Variants in HOXA3 observed in about 807,000 individuals in gnomAD.
HOXA3 encodes homeobox A3.
Under a neutral mutation model 30.3 loss-of-function variants are expected in HOXA3, and 8 were observed. That is an observed-to-expected ratio of 0.26 (90% CI 0.15 to 0.48). HOXA3 has a LOEUF of 0.48. Ranked by LOEUF, HOXA3 falls within the 20% of genes least tolerant of loss-of-function variation. The pLI, the probability that HOXA3 is intolerant of heterozygous loss-of-function variation, is 0.99. For synonymous variants in HOXA3, 323 were observed against 273.1 expected (o/e 1.18, Z -1.80); for missense variants, 653 against 614.4 (o/e 1.06, Z -0.66).
intron 4 of HOXA3, among the ~76,000 whole-genome samples, chr7:27,118,083 C>T (rs1349111375): frequency 4.6e-5 from 7 of 152,244 alleles, no homozygotes; most frequent in African/African-American, 1.7e-4. Flanking sequence ...CCAGGGTCTC[C>T]TCGCCTGACC....
chr7:27,108,154 C>A lies in HOXA3; in HGVS notation c.1093G>T (p.Val365Phe), dbSNP rs775867530. 8 of 1,580,110 alleles carry A rather than the reference C, an allele frequency of 5.1e-6. No homozygotes were observed. Among genetic ancestry groups the A allele is most frequent in the Non-Finnish European group, 6.9e-6 (8 of 1,159,576 alleles). Reference sequence around the variant, plus strand: ...TCCACATAGCTGCCCCCCACGAAGACGGGGCTTCCCTGTATGTGTGGGGTC... The same window carrying A: ...TCCACATAGCTGCCCCCCACGAAGAAGGGGCTTCCCTGTATGTGTGGGGTC... ...YGTPHIQGSP[V>F]FVGGSYVEPM... Residue 365 changes from valine to phenylalanine, a missense_variant, in exon 6 of 6, where the codon GTC becomes TTC. Physicochemically the swap from Val to Phe is conservative, Grantham distance 50. Coordinates refer to ENST00000612286, the MANE Select transcript of HOXA3 (RefSeq NM_153631.3). The surrounding 1 kb of genome is among the most constrained non-coding windows in gnomAD (Gnocchi z 5.0).
intron 1 of HOXA3, chr7:27,147,378 A>C: frequency 2.5e-6 from 4 of 1,614,096 alleles, no homozygotes; most frequent in Non-Finnish European, 3.4e-6. Flanking sequence ...CGCCTTCGTC[A>C]TGGAGTGCTT....
chr7:27,149,249 A>G (rs1444329231), intron 1 of HOXA3, among the ~76,000 whole-genome samples: 1 of 152,208 alleles, frequency 6.6e-6, no homozygotes, highest in Non-Finnish European at 1.5e-5. Context: ...TGGGCTTGTA[A>G]AACCCCTTGA....
chr7:27,110,539 C>T lies in HOXA3; in HGVS notation c.102G>A (p.Pro34=), dbSNP rs1408183066. ...FAYNANQQPY[P]ASAALGADGE... Reference sequence around the variant, plus strand: ...CGTCGGCGCCCAAAGCGGCGGACGCCGGGTACGGCTGCTGATTGGCATTAT... The same window carrying T: ...CGTCGGCGCCCAAAGCGGCGGACGCTGGGTACGGCTGCTGATTGGCATTAT... Residue 34 remains proline, a synonymous_variant, in exon 5 of 6, where the codon CCG becomes CCA. Coordinates refer to ENST00000612286, the MANE Select transcript of HOXA3 (RefSeq NM_153631.3). The T allele has an allele frequency of 1.9e-6, 3 of 1,606,966 alleles. No homozygotes were observed. Among genetic ancestry groups the T allele is most frequent in the East Asian group, 4.5e-5 (2 of 44,608 alleles).
At chr7:27,118,474 CAG>C (rs1457454178) in intron 4 of HOXA3, among the ~76,000 whole-genome samples, 1 of 152,152 alleles carries the variant, frequency 6.6e-6, no homozygotes, top group Admixed American at 6.5e-5. Flanking sequence ...GGTTTCCAAA[CAG>C]AATATTTAGC....
chr7:27,111,752 G>A (rs1270055197), intron 4 of HOXA3, among the ~76,000 whole-genome samples: 3 of 151,886 alleles, frequency 2.0e-5, no homozygotes, highest in African/African-American at 7.3e-5. Context: ...TGGATTAGAG[G>A]GGGAAAAAAA....
At chr7:27,120,160 C>T (rs1260148484) in intron 4 of HOXA3, among the ~76,000 whole-genome samples, 1 of 152,092 alleles carries the variant, frequency 6.6e-6, no homozygotes. Context: ...TTCCTCCCTA[C>T]CCCCAAGTTT....
intron 3 of HOXA3, among the ~76,000 whole-genome samples, chr7:27,126,063 G>C (rs1328782305): frequency 1.3e-5 from 2 of 152,178 alleles, no homozygotes; most frequent in African/African-American, 4.8e-5. Context: ...TGGGTATTAA[G>C]TACTCTACTA....
At chr7:27,142,673 T>G (rs1782613417) in intron 1 of HOXA3, 4 of 247,406 alleles carry the variant, frequency 1.6e-5, no homozygotes, top group East Asian at 8.0e-5. Context: ...GCCCTCCTCA[T>G]AAATTATCCG....
chr7:27,144,243 G>A (rs990961825), intron 1 of HOXA3, among the ~76,000 whole-genome samples: 5 of 152,172 alleles, frequency 3.3e-5, no homozygotes, highest in Admixed American at 1.3e-4. Context: ...TATCACCTTC[G>A]GGGAAGGGGG....
chr7:27,107,832 TAAAAAAAA>T lies in HOXA3; in HGVS notation c.*75_*82del, dbSNP rs59078276. 10 of 545,572 alleles carry T rather than the reference TAAAAAAAA, an allele frequency of 1.8e-5. No homozygotes were observed. The highest frequency in any genetic ancestry group is 1.2e-4 in the Admixed American group (3 of 25,050). The allele number at this position is 545,572 out of a possible 1,614,324, so 33.8% of individuals were successfully genotyped here. A position where few individuals can be genotyped will look rare whatever the true frequency, so the allele number is the denominator to read the frequency against. ...AAGGAAGGAAAGGGCAGGAAGAACC[TAAAAAAAA>T]AAAAAAAAAAAAGCAACCAAAGAAA... On this transcript the variant is annotated 3_prime_UTR_variant, in exon 6 of 6. Coordinates refer to ENST00000612286, the MANE Select transcript of HOXA3 (RefSeq NM_153631.3).
At position 27,110,691 on chromosome 7, in the gene HOXA3, G is replaced by C; in HGVS notation, c.-51C>G. ...ACACTCTGACAGGGGTTTGACACCC[G>C]TGAGGGCGCACATTGGCACGCCCCC... On this transcript the variant is annotated 5_prime_UTR_variant, in exon 5 of 6. Transcript: ENST00000612286. The C allele has an allele frequency of 6.3e-7, 1 of 1,585,486 alleles. No homozygotes were observed. Among genetic ancestry groups the C allele is most frequent in the Non-Finnish European group, 8.6e-7 (1 of 1,158,066 alleles).
intron 4 of HOXA3, among the ~76,000 whole-genome samples, chr7:27,118,544 C>T (rs1352665049): frequency 1.3e-5 from 2 of 152,224 alleles, no homozygotes; most frequent in Non-Finnish European, 2.9e-5. Flanking sequence ...AGAGTTCTGT[C>T]TAAGCAATAG....
chr7:27,144,987 AC>A (rs1293106026), intron 1 of HOXA3, among the ~76,000 whole-genome samples: 1 of 151,952 alleles, frequency 6.6e-6, no homozygotes, highest in Admixed American at 6.5e-5. Context: ...GTAATGTTCC[AC>A]CCGCGCCCAG....
Position 27,126,922 on chromosome 7 carries a change from G to A in HOXA3, c.-241C>T, listed in dbSNP as rs1257989438. 6.7e-6 allele frequency: 1 copy of A among 150,354 alleles called. No individual in the cohort carries two copies. The highest frequency in any genetic ancestry group is 2.0e-4 in the East Asian group (1 of 5,062). 9.3% of individuals were successfully genotyped at this position (150,354 alleles called of 1,614,324 possible). ...ATAGTCTGCCATTTGAGATTTTGCA[G>A]CTTGACACTCAATTTCCACTGAGAG... On this transcript the variant is annotated 5_prime_UTR_variant, in exon 3 of 6. Transcript: ENST00000612286.
At chr7:27,112,382 A>T (rs1383060745) in intron 4 of HOXA3, among the ~76,000 whole-genome samples, 1 of 152,256 alleles carries the variant, frequency 6.6e-6, no homozygotes, top group Non-Finnish European at 1.5e-5. Flanking sequence ...TTATAATTCC[A>T]TTGTTGATAA....
At chr7:27,143,266 G>C in intron 1 of HOXA3, 2 of 1,607,184 alleles carry the variant, frequency 1.2e-6, no homozygotes, top group South Asian at 2.2e-5. Context: ...CGCCGTGGTG[G>C]CTGTCGCTGC....
At chr7:27,149,621 G>A (rs954297503) in intron 1 of HOXA3, among the ~76,000 whole-genome samples, 2 of 152,344 alleles carry the variant, frequency 1.3e-5, no homozygotes, top group East Asian at 1.9e-4. Context: ...CAGTCGATCC[G>A]TCCTGGAAAG....
At chr7:27,143,088 G>C (rs535686511) in intron 1 of HOXA3, 3 of 1,554,786 alleles carry the variant, frequency 1.9e-6, no homozygotes, top group South Asian at 2.5e-5. Flanking sequence ...TAGATCTGGG[G>C]TTGGGCGGGC....
Sources: allele counts gnomAD v4.1 joint callset (sites outside exome capture counted in the v4.1 genomes callset), GRCh38; gene constraint gnomAD v4.1.1; non-coding constraint Gnocchi (gnomAD v3.1); transcripts MANE v1.5; gene names NCBI Gene and HGNC (gene_info 2026-07-23, HGNC 2026-07-21).